The following COA7 variants were observed in gnomAD, a reference collection of about 807,000 sequenced individuals.
COA7 encodes the protein cytochrome c oxidase assembly factor 7.
A neutral mutation model predicts 21.0 loss-of-function variants in COA7; 12 were observed. The observed-to-expected ratio is 0.57, with a 90% confidence interval of 0.37 to 0.92. The LOEUF is 0.92. Ranked by LOEUF, COA7 falls within the 40% of genes least tolerant of loss-of-function variation. The pLI is 0.01. For synonymous variants in COA7, 95 were observed against 107.4 expected, an observed-to-expected ratio of 0.88 and a Z score of 0.72; for missense variants, 240 against 286.1, an observed-to-expected ratio of 0.84 and a Z score of 1.16.
rs997121913 is a variant in COA7, at chr1:52,688,831, T to C, written c.248-663A>G. Among the ~76,000 whole-genome samples the C allele has an allele frequency of 6.6e-5, 10 of 152,060 alleles. No individual in the cohort carries two copies. In the South Asian group the frequency reaches 1.2e-3, roughly 19 times the overall value. On this transcript the variant is annotated intron_variant, in intron 2 of 2. Coordinates refer to ENST00000371538, the MANE Select transcript of COA7 (RefSeq NM_023077.3). The stretch of plus-strand genomic sequence containing the variant: ...CTCAAACAGGTAAAGGAGGTGAAAA[T>C]TGGGAATGATAATAATATCTACCTC...
chr1:52,698,211 A>C lies in COA7; in HGVS notation c.106+10T>G. On this transcript the variant is annotated intron_variant, in intron 1 of 2. Coordinates refer to ENST00000371538, the MANE Select transcript of COA7 (RefSeq NM_023077.3). ...CCGACGCGTCGCCGGGCTGCGCTGG[A>C]GCCGCTCACCGTCCGGGTCCTTCTC... 5 of 1,598,624 alleles carry C rather than the reference A, an allele frequency of 3.1e-6. No homozygotes were observed. The highest frequency in any genetic ancestry group is 4.3e-6 in the Non-Finnish European group (5 of 1,168,988).
intron 1 of COA7, among the ~76,000 whole-genome samples, chr1:52,694,461 G>GAAAA (rs59226724): frequency 1.5e-5 from 1 of 64,994 alleles, no homozygotes; most frequent in Non-Finnish European, 3.1e-5. Context: ...ACTCCATCTC[G>GAAAA]AAAAAAAAAA....
chr1:52,698,083 A>G, intron 1 of COA7, 138 bp downstream of exon 1: 2 of 669,608 alleles, frequency 3.0e-6, no homozygotes, highest in South Asian at 1.8e-5. Flanking sequence ...TTCCCAACAC[A>G]CGCGGTCACC....
rs1431416480 is a variant in COA7, at chr1:52,685,542, T to A, written c.*2178A>T. 6.6e-6 allele frequency: 1 copy of A among 152,114 alleles called. No homozygotes were observed. The highest frequency in any genetic ancestry group is 1.5e-5 in the Non-Finnish European group (1 of 68,022). 9.4% of individuals were successfully genotyped at this position (152,114 alleles called of 1,614,324 possible). A position where few individuals can be genotyped will look rare whatever the true frequency, so the allele number is the denominator to read the frequency against. On this transcript the variant is annotated 3_prime_UTR_variant, in exon 3 of 3. Transcript: ENST00000371538. ...GTGATGTTGAACATATTTTCATGTT[T>A]TTTGACCTACAGTTTTGTGTGTGTG...
At position 52,698,266 on chromosome 1, in the gene COA7, C is replaced by G; in HGVS notation, c.61G>C (p.Glu21Gln). Residue 21 changes from glutamate (E) to glutamine (Q), a missense_variant, in exon 1 of 3, where the codon GAG becomes CAG. Physicochemically the swap from Glu to Gln is conservative, Grantham distance 29. Around this residue, in one of 3 missense-constraint regions of COA7, gnomAD observed 71 missense variants for 54.7 expected, o/e 1.30. Transcript: ENST00000371538. ...EQVKSFLENM[E>Q]VECNYHCYHE... ...TAGCAGTGGTAGTTGCACTCCACCTCCATGTTCTCCAAAAAGGACTTGACC... is the reference window on the plus strand; with the variant it reads ...TAGCAGTGGTAGTTGCACTCCACCTGCATGTTCTCCAAAAAGGACTTGACC... The G allele has an allele frequency of 1.2e-6, 2 of 1,613,044 alleles. No homozygotes were observed. The highest frequency in any genetic ancestry group is 1.7e-6 in the Non-Finnish European group (2 of 1,179,868).
Position 52,690,297 on chromosome 1 carries a change from T to C in COA7, c.248-2129A>G, listed in dbSNP as rs538041083. 6.6e-5 allele frequency among the ~76,000 whole-genome samples: 10 copies of C among 152,140 alleles called. No individual in the cohort carries two copies. In the South Asian group the frequency reaches 2.1e-3, roughly 32 times the overall value. ...TACTCAATCTCAAAAAATATAAACA[T>C]TTTAACATTATTCTTTTAAGTAACC... On this transcript the variant is annotated intron_variant, in intron 2 of 2. Coordinates refer to ENST00000371538, the MANE Select transcript of COA7 (RefSeq NM_023077.3).
Position 52,687,882 on chromosome 1 carries a change from G to A in COA7, c.534C>T (p.Ala178=), listed in dbSNP as rs550549955. The A allele has an allele frequency of 5.6e-6, 9 of 1,614,248 alleles. No individual in the cohort carries two copies. The highest frequency in any genetic ancestry group is 4.0e-5 in the African/African-American group (3 of 75,074). Residue 178 remains alanine, a synonymous_variant, in exon 3 of 3, where the codon GCC becomes GCT. Coordinates refer to ENST00000371538, the MANE Select transcript of COA7 (RefSeq NM_023077.3). The part of the protein sequence containing the change: ...MDLACKYSMK[A]CDLGHIWACA... ...AGGCCCAGATATGACCCAGGTCACAGGCTTTCATGGAGTATTTACATGCCA... is the reference window on the plus strand; with the variant it reads ...AGGCCCAGATATGACCCAGGTCACAAGCTTTCATGGAGTATTTACATGCCA...
In COA7 at chr1:52,692,837, C is replaced by T; in HGVS notation, c.137G>A (p.Gly46Glu). 1 of 1,614,086 alleles carries T rather than the reference C, an allele frequency of 6.2e-7. No individual in the cohort carries two copies. The highest frequency in any genetic ancestry group is 8.5e-7 in the Non-Finnish European group (1 of 1,180,020). ...GCYRLVDYLE[G>E]IRKNFDEAAK... ...AGCCTCATCAAAATTCTTCCGGATC[C>T]CTTCCAAATAGTCCACCAGCCGATA... The change falls in exon 2 of 3, where the codon GGG (glycine) becomes GAG (glutamate). Residue 46 changes from glycine (G) to glutamate (E), a missense_variant. Physicochemically the swap from Gly to Glu is moderately conservative, Grantham distance 98. This residue lies in a region of COA7 where 6 missense variants were observed against 17.3 expected (regional missense o/e 0.35). Transcript: ENST00000371538.
At chr1:52,694,461 G>GAAAAAAAAAAAAAAAAAA (rs59226724) in intron 1 of COA7, among the ~76,000 whole-genome samples, 1 of 65,000 alleles carries the variant, frequency 1.5e-5, no homozygotes. Context: ...ACTCCATCTC[G>GAAAAAAAAAAAAAAAAAA]AAAAAAAAAA....
chr1:52,696,607 T>C (rs1334862543), intron 1 of COA7, among the ~76,000 whole-genome samples: 1 of 152,088 alleles, frequency 6.6e-6, no homozygotes, highest in East Asian at 1.9e-4. Context: ...TTCTGCAAAC[T>C]AAACTGACTA....
At position 52,684,981 on chromosome 1, in the gene COA7, GAAT is replaced by G. The variant is rs1643991337; in HGVS notation, c.*2736_*2738del. 6.6e-6 allele frequency: 1 copy of G among 152,152 alleles called. No individual in the cohort carries two copies. Among genetic ancestry groups the G allele is most frequent in the Non-Finnish European group, 1.5e-5 (1 of 68,038 alleles). The allele number at this position is 152,152 out of a possible 1,614,324, so 9.4% of individuals were successfully genotyped here. ...TTTGTCATAGCTTGATTTAAGCACT[GAAT>G]AATGACTACATGCACCACAATTTAT... On this transcript the variant is annotated 3_prime_UTR_variant, in exon 3 of 3. Transcript: ENST00000371538.
intron 2 of COA7, among the ~76,000 whole-genome samples, chr1:52,689,408 C>G (rs1295546442): frequency 6.6e-6 from 1 of 151,736 alleles, no homozygotes; most frequent in Non-Finnish European, 1.5e-5. Context: ...CCCGCCTCAG[C>G]CTCCCAAAAT....
At chr1:52,697,734 G>C (rs893643217) in intron 1 of COA7, among the ~76,000 whole-genome samples, 1 of 150,174 alleles carries the variant, frequency 6.7e-6, no homozygotes, top group Non-Finnish European at 1.5e-5. Context: ...CACCACGCCC[G>C]GCTAATTTTT....
In COA7 at chr1:52,686,450, AT is replaced by A. The variant is rs148162118; in HGVS notation, c.*1269del. On this transcript the variant is annotated 3_prime_UTR_variant, in exon 3 of 3. Transcript: ENST00000371538. ...GCTGGGGAGACAACAGAAAAAGCAA[AT>A]TTTTTTTTTTTTTTGAGACGGAGTC... is the stretch of plus-strand genomic sequence containing the variant. 161 of 145,262 alleles carry A rather than the reference AT, an allele frequency of 1.1e-3. No homozygotes were observed. Among genetic ancestry groups the A allele is most frequent in the Admixed American group, 1.9e-3 (27 of 14,502 alleles). 9.0% of individuals were successfully genotyped at this position (145,262 alleles called of 1,614,324 possible). A position where few individuals can be genotyped will look rare whatever the true frequency, so the allele number is the denominator to read the frequency against.
At chr1:52,692,920 T>G (rs1361416598) in intron 1 of COA7, 53 bp from the exon 2 acceptor site, 1 of 1,604,560 alleles carries the variant, frequency 6.2e-7, no homozygotes, top group Non-Finnish European at 8.5e-7. Flanking sequence ...CTGCTCGCAG[T>G]GGGGACTTGG....
chr1:52,691,944 T>A (rs1644050437), intron 2 of COA7, among the ~76,000 whole-genome samples: 1 of 152,258 alleles, frequency 6.6e-6, no homozygotes, highest in African/African-American at 2.4e-5. Context: ...TTCTATCTTG[T>A]TGTCTCCTTT....
At position 52,686,435 on chromosome 1, in the gene COA7, C is replaced by A. The variant is rs1644003906; in HGVS notation, c.*1285G>T. ...GCCCCCTGGTGACAAGCTGGGGAGA[C>A]AACAGAAAAAGCAAATTTTTTTTTT... On this transcript the variant is annotated 3_prime_UTR_variant, in exon 3 of 3. Coordinates refer to ENST00000371538, the MANE Select transcript of COA7 (RefSeq NM_023077.3). The A allele has an allele frequency of 6.6e-6, 1 of 150,546 alleles. No homozygotes were observed. Among genetic ancestry groups the A allele is most frequent in the African/African-American group, 2.4e-5 (1 of 41,174 alleles). 9.3% of individuals were successfully genotyped at this position (150,546 alleles called of 1,614,324 possible).
In COA7 at chr1:52,687,658, C is replaced by T. The variant is rs1644015224; in HGVS notation, c.*62G>A. On this transcript the variant is annotated 3_prime_UTR_variant, in exon 3 of 3. Transcript: ENST00000371538. ...GTTGACCTTCAAGGGCTGCATCAGT[C>T]TTCAGAAACAGGAGCTGCCAGCCTC... The T allele has an allele frequency of 2.0e-6, 3 of 1,534,744 alleles. No homozygotes were observed. Among genetic ancestry groups the T allele is most frequent in the Admixed American group, 1.9e-5 (1 of 53,576 alleles).
rs1324161657 is a variant in COA7 at position 52,684,976 on chromosome 1, G to A, written c.*2744C>T. On this transcript the variant is annotated 3_prime_UTR_variant, in exon 3 of 3. Transcript: ENST00000371538. ...CATAATTTGTCATAGCTTGATTTAA[G>A]CACTGAATAATGACTACATGCACCA... The A allele has an allele frequency of 6.6e-6, 1 of 152,156 alleles. No individual in the cohort carries two copies. Among genetic ancestry groups the A allele is most frequent in the African/African-American group, 2.4e-5 (1 of 41,438 alleles). The allele number at this position is 152,156 out of a possible 1,614,324, so 9.4% of individuals were successfully genotyped here.
Sources: gnomAD v4.1 joint callset for allele counts (sites outside exome capture counted in the v4.1 genomes callset) on GRCh38, gnomAD v4.1.1 for gene constraint, gnomAD v4.1.1 regional missense constraint, MANE v1.5 for transcripts, NCBI Gene and HGNC (gene_info 2026-07-23, HGNC 2026-07-21) for gene names.